The following EYA2 variants were observed in gnomAD, a reference collection of about 807,000 sequenced individuals.
The protein encoded by EYA2 is EYA transcriptional coactivator and phosphatase 2.
EYA2 carries 31 observed loss-of-function variants against 69.2 expected under a neutral mutation model. The ratio of observed to expected loss-of-function variants is 0.45; its 90% CI spans 0.34 to 0.60. The LOEUF is 0.60. Ranked by LOEUF, EYA2 falls within the 20% of genes least tolerant of loss-of-function variation. EYA2 has a pLI of 0.02. For synonymous variants in EYA2, 257 were observed against 279.4 expected, an observed-to-expected ratio of 0.92 and a Z score of 0.80; for missense variants, 622 against 701.2, an observed-to-expected ratio of 0.89 and a Z score of 1.28.
intron 7 of EYA2, among the ~76,000 whole-genome samples, chr20:47,078,295 A>G (rs1407295707): frequency 6.6e-6 from 1 of 151,488 alleles, no homozygotes; most frequent in Non-Finnish European, 1.5e-5. Context: ...GAATTTAAGC[A>G]TATGTGTGTG....
At chr20:46,912,903 T>C (rs1007317745) in intron 1 of EYA2, among the ~76,000 whole-genome samples, 1 of 151,062 alleles carries the variant, frequency 6.6e-6, no homozygotes, top group African/African-American at 2.4e-5. Flanking sequence ...GGTTTCACCT[T>C]GTTAGCCAGG....
At chr20:47,068,272 CA>C (rs1368994696) in intron 5 of EYA2, among the ~76,000 whole-genome samples, 1 of 152,188 alleles carries the variant, frequency 6.6e-6, no homozygotes, top group African/African-American at 2.4e-5. Flanking sequence ...TGAATGCATG[CA>C]TGAATTAATG....
At chr20:47,091,530 G>A (rs1185600448) in intron 8 of EYA2, among the ~76,000 whole-genome samples, 2 of 138,292 alleles carry the variant, frequency 1.4e-5, no homozygotes, top group Non-Finnish European at 3.0e-5. Flanking sequence ...CTTAAGTCCA[G>A]TAATTTGAAA....
intron 1 of EYA2, among the ~76,000 whole-genome samples, chr20:46,907,888 A>G (rs1036017910): frequency 5.3e-5 from 8 of 152,256 alleles, no homozygotes; most frequent in South Asian, 2.1e-4. Flanking sequence ...GCGACTGTCT[A>G]TGCAAACTCT....
intron 10 of EYA2, among the ~76,000 whole-genome samples, chr20:47,145,900 T>TA (rs112472302): frequency 0.019 from 2,558 of 138,256 alleles, 54 homozygotes; most frequent in African/African-American, 0.055. Context: ...AACTCCATCT[T>TA]AAAAAAAAAA....
chr20:47,013,687 G>A (rs557784469), intron 4 of EYA2, among the ~76,000 whole-genome samples: 2 of 152,266 alleles, frequency 1.3e-5, no homozygotes, highest in South Asian at 4.1e-4. Context: ...AGGAGCCCAG[G>A]AAAGGCAGTG....
intron 5 of EYA2, among the ~76,000 whole-genome samples, chr20:47,041,260 G>C (rs1985050498): frequency 6.6e-6 from 1 of 152,178 alleles, no homozygotes; most frequent in South Asian, 2.1e-4. Context: ...TGCCAGAAAA[G>C]CCTCCCTCCC....
At chr20:46,956,960 T>A (rs1016006713) in intron 1 of EYA2, among the ~76,000 whole-genome samples, 2 of 152,182 alleles carry the variant, frequency 1.3e-5, no homozygotes, top group African/African-American at 4.8e-5. Flanking sequence ...AAGAACAGCA[T>A]GGGAAAAACC....
intron 1 of EYA2, among the ~76,000 whole-genome samples, chr20:46,951,634 C>T (rs978431933): frequency 6.6e-6 from 1 of 152,204 alleles, no homozygotes; most frequent in African/African-American, 2.4e-5. Context: ...GTAATAAAAC[C>T]ACTCTCAGGC....
At chr20:47,144,446 C>T (rs2033662799) in intron 10 of EYA2, among the ~76,000 whole-genome samples, 1 of 151,664 alleles carries the variant, frequency 6.6e-6, no homozygotes, top group Admixed American at 6.5e-5. Flanking sequence ...AATATTTTTT[C>T]CCGGAATCTG....
At chr20:47,012,256 C>T (rs2146363568) in intron 4 of EYA2, among the ~76,000 whole-genome samples, 1 of 152,326 alleles carries the variant, frequency 6.6e-6, no homozygotes, top group Non-Finnish European at 1.5e-5. Context: ...TCGGAGGCCT[C>T]TTTCTCTTTG....
At chr20:47,057,510 A>ACACC (rs1344107214) in intron 5 of EYA2, among the ~76,000 whole-genome samples, 1 of 94,768 alleles carries the variant, frequency 1.1e-5, no homozygotes, top group African/African-American at 3.4e-5. Flanking sequence ...TTTTTATATC[A>ACACC]CCCCCCCCCC....
intron 1 of EYA2, among the ~76,000 whole-genome samples, chr20:46,926,438 G>A (rs1470843681): frequency 6.6e-6 from 1 of 152,196 alleles, no homozygotes; most frequent in African/African-American, 2.4e-5. Flanking sequence ...CAAGGGCAGG[G>A]GAAGATGAGA....
intron 10 of EYA2, among the ~76,000 whole-genome samples, chr20:47,168,487 C>T (rs2034252127): frequency 6.6e-6 from 1 of 152,228 alleles, no homozygotes; most frequent in East Asian, 1.9e-4. Context: ...CCATGCCCAG[C>T]CTCCACCCCA....
intron 8 of EYA2, among the ~76,000 whole-genome samples, chr20:47,092,422 A>G (rs2032113580): frequency 6.6e-6 from 1 of 152,178 alleles, no homozygotes; most frequent in East Asian, 1.9e-4. Flanking sequence ...GGCCTTTGCA[A>G]AAGACTGAAA....
At chr20:46,900,105 A>G (rs1984020856) in intron 1 of EYA2, among the ~76,000 whole-genome samples, 1 of 152,118 alleles carries the variant, frequency 6.6e-6, no homozygotes, top group South Asian at 2.1e-4. Context: ...CCTTTTGAGT[A>G]TCTAGTAAAG....
At chr20:46,920,214 C>T (rs1442646640) in intron 1 of EYA2, among the ~76,000 whole-genome samples, 1 of 123,934 alleles carries the variant, frequency 8.1e-6, no homozygotes, top group Non-Finnish European at 1.7e-5. Flanking sequence ...TGTAGGATTG[C>T]CACAAAACTT....
intron 10 of EYA2, among the ~76,000 whole-genome samples, chr20:47,151,341 A>G (rs2033818713): frequency 6.6e-6 from 1 of 151,746 alleles, no homozygotes; most frequent in African/African-American, 2.4e-5. Flanking sequence ...TCTGCACTCC[A>G]GCCTGGGCAA....
At chr20:46,982,452 C>T (rs1411089682) in intron 1 of EYA2, among the ~76,000 whole-genome samples, 1 of 152,198 alleles carries the variant, frequency 6.6e-6, no homozygotes, top group Non-Finnish European at 1.5e-5. Flanking sequence ...CTTTGGGATT[C>T]ACAGAACTTC....
Sources: gnomAD v4.1 joint callset for allele counts (sites outside exome capture counted in the v4.1 genomes callset) on GRCh38, gnomAD v4.1.1 for gene constraint, MANE v1.5 for transcripts, NCBI Gene and HGNC (gene_info 2026-07-23, HGNC 2026-07-21) for gene names.